Variants in GARRE1 observed in about 807,000 individuals in gnomAD.
GARRE1 encodes granule associated Rac and RHOG effector 1.
In GARRE1, 49 loss-of-function variants were observed where a neutral mutation model predicts 103.2. That is an observed-to-expected ratio of 0.47 (90% CI 0.38 to 0.60). GARRE1 has a LOEUF of 0.60. Ranked by LOEUF, GARRE1 falls within the 20% of genes least tolerant of loss-of-function variation. GARRE1 has a pLI of 0.00. For synonymous variants in GARRE1, 505 were observed against 532.8 expected (o/e 0.95, Z 0.72); for missense variants, 1,199 against 1,370.5 (o/e 0.87, Z 1.98).
At chr19:34,283,259 A>G (rs1054142497) in intron 1 of GARRE1, among the ~76,000 whole-genome samples, 1 of 152,204 alleles carries the variant, frequency 6.6e-6, no homozygotes, top group African/African-American at 2.4e-5. Flanking sequence ...CAGGGACTAA[A>G]TTTCTCTTTA....
intron 10 of GARRE1, among the ~76,000 whole-genome samples, chr19:34,345,583 G>T (rs1283809942): frequency 1.3e-5 from 2 of 152,214 alleles, no homozygotes; most frequent in Non-Finnish European, 2.9e-5. Flanking sequence ...ACTTTGAGAG[G>T]CTGAGGCCAG....
intron 1 of GARRE1, among the ~76,000 whole-genome samples, chr19:34,294,756 G>A (rs1192405343): frequency 1.3e-5 from 2 of 152,120 alleles, no homozygotes; most frequent in African/African-American, 2.4e-5. Context: ...CCAGGCTGGA[G>A]TACAGTGGTG....
Position 34,300,959 on chromosome 19 carries a change from G to A in GARRE1, c.486G>A (p.Gln162=). ...CGGATCAGAAGGAATTCAGTCTCCAGGACATTGAGGTAGAGTATCTTTTGT... is the reference window on the plus strand; with the variant it reads ...CGGATCAGAAGGAATTCAGTCTCCAAGACATTGAGGTAGAGTATCTTTTGT... ...NFTDQKEFSL[Q]DIEVLGRCFL... is the part of the protein sequence containing the mutation. Residue 162 remains glutamine, a synonymous_variant, in exon 2 of 14, where the codon CAG becomes CAA. Coordinates refer to ENST00000299505, the MANE Select transcript of GARRE1 (RefSeq NM_014686.5). 6.3e-7 allele frequency: 1 copy of A among 1,598,282 alleles called. No individual in the cohort carries two copies. Among genetic ancestry groups the A allele is most frequent in the Non-Finnish European group, 8.5e-7 (1 of 1,177,528 alleles).
At chr19:34,272,009 T>A (rs2073791193) in intron 1 of GARRE1, among the ~76,000 whole-genome samples, 1 of 152,060 alleles carries the variant, frequency 6.6e-6, no homozygotes, top group Non-Finnish European at 1.5e-5. Context: ...ACATTTAGGA[T>A]ATAATAATAA....
At chr19:34,290,733 T>A (rs1193935951) in intron 1 of GARRE1, among the ~76,000 whole-genome samples, 1 of 151,972 alleles carries the variant, frequency 6.6e-6, no homozygotes, top group African/African-American at 2.4e-5. Context: ...AAATGATCTT[T>A]CCAGCTTGGC....
chr19:34,286,774 T>G (rs1406431306), intron 1 of GARRE1, among the ~76,000 whole-genome samples: 1 of 152,154 alleles, frequency 6.6e-6, no homozygotes, highest in African/African-American at 2.4e-5. Context: ...GTGCTGGGAT[T>G]ACAGGCGTGA....
chr19:34,334,436 C>T (rs570647502), intron 8 of GARRE1, among the ~76,000 whole-genome samples: 21 of 152,270 alleles, frequency 1.4e-4, no homozygotes, highest in African/African-American at 4.3e-4. Context: ...CGGTGACTCA[C>T]ACCTGTAATC....
At chr19:34,294,152 G>C (rs182073015) in intron 1 of GARRE1, among the ~76,000 whole-genome samples, 7 of 151,978 alleles carry the variant, frequency 4.6e-5, no homozygotes, top group Admixed American at 3.3e-4. Context: ...GAGCATGGTG[G>C]CTCACACCTA....
At chr19:34,327,611 G>A (rs1165941684) in intron 4 of GARRE1, 50 bp downstream of exon 4, 3 of 1,599,386 alleles carry the variant, frequency 1.9e-6, no homozygotes, top group Non-Finnish European at 2.6e-6. Flanking sequence ...AGAAACAAGG[G>A]AGGGAGTTAA....
At chr19:34,278,469 T>C (rs1006810296) in intron 1 of GARRE1, among the ~76,000 whole-genome samples, 4 of 120,742 alleles carry the variant, frequency 3.3e-5, no homozygotes, top group African/African-American at 1.2e-4. Flanking sequence ...AAAAAAAAAG[T>C]CTTGCCTATT....
At chr19:34,317,666 C>T (rs137913338) in intron 2 of GARRE1, among the ~76,000 whole-genome samples, 157 of 152,330 alleles carry the variant, frequency 1.0e-3, no homozygotes, top group African/African-American at 3.7e-3. Flanking sequence ...ACACTTGAGT[C>T]AGGTGACTGG....
chr19:34,319,194 A>G (rs575605757), intron 2 of GARRE1, among the ~76,000 whole-genome samples: 4 of 152,204 alleles, frequency 2.6e-5, no homozygotes, highest in Non-Finnish European at 5.9e-5. Context: ...TATATTTAGT[A>G]TACATCTTAT....
chr19:34,353,052 C>T lies in GARRE1; in HGVS notation c.*97C>T. On this transcript the variant is annotated 3_prime_UTR_variant, in exon 14 of 14. Transcript: ENST00000299505. Reference sequence around the variant, plus strand: ...AGGGCCACTTAGCTGACACCAGCCCCTCAGAGGACCAGTGCGCCCCATCCC... The same window carrying T: ...AGGGCCACTTAGCTGACACCAGCCCTTCAGAGGACCAGTGCGCCCCATCCC... The T allele has an allele frequency of 8.5e-7, 1 of 1,173,224 alleles. No homozygotes were observed. The highest frequency in any genetic ancestry group is 1.2e-6 in the Non-Finnish European group (1 of 851,060). The allele number at this position is 1,173,224 out of a possible 1,614,324, so 72.7% of individuals were successfully genotyped here. A position where few individuals can be genotyped will look rare whatever the true frequency, so the allele number is the denominator to read the frequency against.
At chr19:34,310,197 T>C (rs904203169) in intron 2 of GARRE1, among the ~76,000 whole-genome samples, 3 of 152,154 alleles carry the variant, frequency 2.0e-5, no homozygotes, top group African/African-American at 4.8e-5. Flanking sequence ...AGAACTGGCT[T>C]TCCTGAATTA....
chr19:34,336,123 C>T (rs527611170), intron 8 of GARRE1, among the ~76,000 whole-genome samples: 39 of 151,866 alleles, frequency 2.6e-4, no homozygotes, highest in South Asian at 1.7e-3. Context: ...CCCAAGTAGG[C>T]GGGACTACAG....
At chr19:34,323,123 C>T (rs370396674) in intron 3 of GARRE1, among the ~76,000 whole-genome samples, 1 of 148,542 alleles carries the variant, frequency 6.7e-6, no homozygotes, top group East Asian at 2.0e-4. Context: ...CTCCGCCCCC[C>T]GGGGTTCACG....
chr19:34,262,287 C>CTTTTTTTTTTTTTTTTTTTTTTT lies in GARRE1; in HGVS notation c.-796+7679_-796+7701dup, dbSNP rs1018456778. On this transcript the variant is annotated intron_variant, in intron 1 of 13. Transcript: ENST00000299505. ...AGTGAGCCACCATGCCCAGCTGCTGCTTTTTTTTTTTTTTTTTTTTTTTTT... is the reference window on the plus strand; with the variant it reads ...AGTGAGCCACCATGCCCAGCTGCTGCTTTTTTTTTTTTTTTTTTTTTTTTTTTTTTTTTTTTTTTTTTTTTTTT... 3.9e-4 allele frequency among the ~76,000 whole-genome samples: 14 copies of CTTTTTTTTTTTTTTTTTTTTTTT among 35,762 alleles called. 6 individuals carry two copies. The highest frequency in any genetic ancestry group is 9.5e-4 in the Admixed American group (2 of 2,116). The allele number at this position is 35,762 out of a possible 152,430, so 23.5% of individuals were successfully genotyped here. A position where few individuals can be genotyped will look rare whatever the true frequency, so the allele number is the denominator to read the frequency against.
At chr19:34,335,566 C>A (rs987234894) in intron 8 of GARRE1, among the ~76,000 whole-genome samples, 19 of 152,202 alleles carry the variant, frequency 1.2e-4, no homozygotes, top group African/African-American at 3.6e-4. Flanking sequence ...CGGTCTGTCG[C>A]CCAGGCTGGA....
At chr19:34,288,141 G>T (rs983086049) in intron 1 of GARRE1, among the ~76,000 whole-genome samples, 3 of 152,098 alleles carry the variant, frequency 2.0e-5, no homozygotes, top group African/African-American at 4.8e-5. Context: ...TACAGGAAGT[G>T]CAGGAAGCTC....
Sources: gnomAD v4.1 joint callset for allele counts (sites outside exome capture counted in the v4.1 genomes callset) on GRCh38, gnomAD v4.1.1 for gene constraint, MANE v1.5 for transcripts, NCBI Gene and HGNC (gene_info 2026-07-23, HGNC 2026-07-21) for gene names.